The following MBD5 variants were observed in gnomAD, a reference collection of about 807,000 sequenced individuals.
MBD5 encodes the protein methyl-CpG-binding domain protein 5.
MBD5 carries 13 observed loss-of-function variants against 117.3 expected under a neutral mutation model. That is an observed-to-expected ratio of 0.11 (90% CI 0.07 to 0.18). The LOEUF is 0.18. Ranked by LOEUF, MBD5 falls within the 10% of genes least tolerant of loss-of-function variation. The pLI is 1.00. For missense variants in MBD5, 1,879 were observed against 2,093.8 expected, an observed-to-expected ratio of 0.90 and a Z score of 2.00; for synonymous variants, 727 against 766.4, an observed-to-expected ratio of 0.95 and a Z score of 0.85.
chr2:148,189,415 G>C (rs957221557), intron 2 of MBD5, among the ~76,000 whole-genome samples: 28 of 149,970 alleles, frequency 1.9e-4, no homozygotes, highest in South Asian at 4.2e-4. Flanking sequence ...ATCTGAGAAC[G>C]GGCAGACTGC....
chr2:148,363,040 G>A (rs1307266694), intron 4 of MBD5, among the ~76,000 whole-genome samples: 2 of 152,128 alleles, frequency 1.3e-5, no homozygotes, highest in Admixed American at 1.3e-4. Flanking sequence ...AAAAAACAGT[G>A]CAAAACGGCT....
At chr2:148,380,198 C>T (rs1704096936) in intron 4 of MBD5, among the ~76,000 whole-genome samples, 1 of 152,016 alleles carries the variant, frequency 6.6e-6, no homozygotes, top group Non-Finnish European at 1.5e-5. Flanking sequence ...CCTTTTTGTC[C>T]ACTTAATATC....
Position 148,457,401 on chromosome 2 carries a change from A to G in MBD5, c.-556-802A>G, listed in dbSNP as rs1361596587. Among the ~76,000 whole-genome samples, 7 of 152,278 alleles carry G rather than the reference A, an allele frequency of 4.6e-5. 1 individual carries two copies. Among genetic ancestry groups the G allele is most frequent in the Admixed American group, 4.6e-4 (7 of 15,276 alleles). The stretch of plus-strand genomic sequence containing the variant: ...CTTCTTTACAAAAACAAATAATACT[A>G]ACAAATGTGAAGTTGCATTCCCCAC... On this transcript the variant is annotated intron_variant, in intron 4 of 13. Transcript: ENST00000642680.
intron 1 of MBD5, among the ~76,000 whole-genome samples, chr2:148,067,383 A>G (rs1007512609): frequency 1.3e-5 from 2 of 152,204 alleles, no homozygotes; most frequent in Non-Finnish European, 1.5e-5. Flanking sequence ...TTATCGTTAG[A>G]CATAGAGCAA....
At chr2:148,251,390 C>T (rs892925459) in intron 3 of MBD5, among the ~76,000 whole-genome samples, 1 of 152,104 alleles carries the variant, frequency 6.6e-6, no homozygotes, top group African/African-American at 2.4e-5. Flanking sequence ...GCATTATGGG[C>T]TTACCTGTGA....
intron 1 of MBD5, among the ~76,000 whole-genome samples, chr2:148,149,182 A>G (rs1697563115): frequency 6.9e-6 from 1 of 144,060 alleles, no homozygotes; most frequent in Non-Finnish European, 1.5e-5. Flanking sequence ...GAGTGAGAAT[A>G]TGCGGTGTTT....
chr2:148,352,708 C>G (rs1242103346), intron 4 of MBD5, among the ~76,000 whole-genome samples: 1 of 152,016 alleles, frequency 6.6e-6, no homozygotes, highest in East Asian at 1.9e-4. Flanking sequence ...GTAGTTTGTT[C>G]CTTTTTATTG....
intron 1 of MBD5, among the ~76,000 whole-genome samples, chr2:148,126,264 G>T (rs1180809273): frequency 1.3e-5 from 2 of 151,774 alleles, no homozygotes; most frequent in African/African-American, 2.4e-5. Flanking sequence ...ATTTAGCTGG[G>T]CGTGGTGGTG....
chr2:148,370,181 A>G (rs1703811903), intron 4 of MBD5, among the ~76,000 whole-genome samples: 1 of 152,200 alleles, frequency 6.6e-6, no homozygotes, highest in Non-Finnish European at 1.5e-5. Flanking sequence ...TTGTATCATA[A>G]ATTACCATAA....
intron 4 of MBD5, among the ~76,000 whole-genome samples, chr2:148,361,865 C>T (rs903086019): frequency 2.6e-5 from 4 of 152,132 alleles, no homozygotes; most frequent in African/African-American, 7.2e-5. Context: ...GCAGCCCTCC[C>T]GACTGGGGAA....
At chr2:148,285,167 C>G (rs547643514) in intron 3 of MBD5, among the ~76,000 whole-genome samples, 1 of 152,332 alleles carries the variant, frequency 6.6e-6, no homozygotes, top group Admixed American at 6.5e-5. Context: ...CAGCTACTTT[C>G]CCCATCTGCT....
At chr2:148,279,187 C>T (rs999635975) in intron 3 of MBD5, among the ~76,000 whole-genome samples, 1 of 152,152 alleles carries the variant, frequency 6.6e-6, no homozygotes, top group Admixed American at 6.5e-5. Flanking sequence ...AATCCCAACA[C>T]TGGGAGGCAG....
At chr2:148,090,518 G>A (rs1288238198) in intron 1 of MBD5, among the ~76,000 whole-genome samples, 1 of 152,026 alleles carries the variant, frequency 6.6e-6, no homozygotes, top group Non-Finnish European at 1.5e-5. Context: ...TTCATACCAG[G>A]GATGCAGGGA....
chr2:148,353,016 A>T (rs1703283259), intron 4 of MBD5, among the ~76,000 whole-genome samples: 1 of 152,130 alleles, frequency 6.6e-6, no homozygotes, highest in Non-Finnish European at 1.5e-5. Flanking sequence ...AAATTCCATG[A>T]TACTATTCAC....
chr2:148,288,216 C>T (rs1011412505), intron 3 of MBD5, among the ~76,000 whole-genome samples: 11 of 132,550 alleles, frequency 8.3e-5, no homozygotes, highest in African/African-American at 2.2e-4. Context: ...CCGGCTAAAA[C>T]GGTGAAACCC....
intron 1 of MBD5, among the ~76,000 whole-genome samples, chr2:148,052,600 TTC>T (rs1694746177): frequency 6.7e-6 from 1 of 148,662 alleles, no homozygotes; most frequent in Non-Finnish European, 1.5e-5. Flanking sequence ...ATGTTATGTT[TTC>T]GTCTTAATTT....
intron 8 of MBD5, among the ~76,000 whole-genome samples, chr2:148,477,140 C>T (rs766409634): frequency 4.6e-5 from 7 of 151,754 alleles, no homozygotes; most frequent in Non-Finnish European, 1.0e-4. Flanking sequence ...GAAAAAAAAA[C>T]AAACTCTTTT....
intron 3 of MBD5, among the ~76,000 whole-genome samples, chr2:148,306,270 G>C (rs1701890453): frequency 6.6e-6 from 1 of 152,118 alleles, no homozygotes. Context: ...CTGTAAGCCA[G>C]GTACCAGGCT....
At chr2:148,292,507 C>T (rs191511319) in intron 3 of MBD5, among the ~76,000 whole-genome samples, 397 of 152,206 alleles carry the variant, frequency 2.6e-3, no homozygotes, top group Non-Finnish European at 4.9e-3. Flanking sequence ...CAAATCGAGA[C>T]TACAATGAGA....
Sources: allele counts gnomAD v4.1 joint callset (sites outside exome capture counted in the v4.1 genomes callset), GRCh38; gene constraint gnomAD v4.1.1; transcripts MANE v1.5; gene names NCBI Gene and HGNC (gene_info 2026-07-23, HGNC 2026-07-21).